Variants in TENM3 observed in about 807,000 individuals in gnomAD.
The protein encoded by TENM3 is teneurin transmembrane protein 3, also known as teneurin-3.
A neutral mutation model predicts 255.1 loss-of-function variants in TENM3; 63 were observed. The observed-to-expected ratio is 0.25, with a 90% CI of 0.20 to 0.30. The LOEUF (loss-of-function observed/expected upper bound fraction) is 0.30, where lower values mean the gene tolerates loss of function less well. Ranked by LOEUF, TENM3 falls within the 10% of genes least tolerant of loss-of-function variation. TENM3 has a pLI of 1.00. For synonymous variants in TENM3, 1,306 were observed against 1,322.3 expected (o/e 0.99, Z 0.27); for missense variants, 2,929 against 3,461.1 (o/e 0.85, Z 3.86).
chr4:181,997,233 C>T, the TENM3 span, among the ~76,000 whole-genome samples: 1 of 152,102 alleles, frequency 6.6e-6, no homozygotes, highest in Non-Finnish European at 1.5e-5. Context: ...TGGTGTCAAG[C>T]CCAGCAAAGA....
chr4:182,668,162 C>T (rs983752649), intron 6 of TENM3, among the ~76,000 whole-genome samples: 3 of 152,004 alleles, frequency 2.0e-5, no homozygotes, highest in South Asian at 2.1e-4. Context: ...TCGCTGAAGC[C>T]CTACCTTGGG....
At chr4:181,957,475 T>G in the TENM3 span, among the ~76,000 whole-genome samples, 1 of 152,236 alleles carries the variant, frequency 6.6e-6, no homozygotes, top group Non-Finnish European at 1.5e-5. Context: ...GGGTGAATTT[T>G]ATAAACCAAA....
intron 1 of TENM3, among the ~76,000 whole-genome samples, chr4:182,282,378 C>T (rs1231729422): frequency 1.3e-5 from 2 of 152,074 alleles, no homozygotes; most frequent in Non-Finnish European, 2.9e-5. Context: ...TTGTCATGTG[C>T]TGTGTTAAAG....
At chr4:182,067,734 C>T in the TENM3 span, among the ~76,000 whole-genome samples, 1 of 152,186 alleles carries the variant, frequency 6.6e-6, no homozygotes, top group Admixed American at 6.5e-5. Flanking sequence ...GAGGGACTCC[C>T]TTGCTCTGCT....
chr4:181,537,950 T>A, the TENM3 span, among the ~76,000 whole-genome samples: 1 of 152,202 alleles, frequency 6.6e-6, no homozygotes, highest in South Asian at 2.1e-4. Context: ...GAATGTGAAA[T>A]GTACCCTTCA....
chr4:181,508,476 A>G, the TENM3 span, among the ~76,000 whole-genome samples: 2 of 152,358 alleles, frequency 1.3e-5, no homozygotes, highest in East Asian at 3.9e-4. Context: ...CAGTATTTTA[A>G]GGTTGACCAT....
chr4:182,000,614 T>C, the TENM3 span, among the ~76,000 whole-genome samples: 2 of 152,186 alleles, frequency 1.3e-5, no homozygotes, highest in Non-Finnish European at 2.9e-5. Context: ...TACCAATCCA[T>C]GGTTGGTCAA....
At chr4:182,780,373 C>A (rs1335408935) in intron 24 of TENM3, among the ~76,000 whole-genome samples, 2 of 116,980 alleles carry the variant, frequency 1.7e-5, no homozygotes, top group African/African-American at 7.3e-5. Context: ...TGTAGATATG[C>A]GGCGTTATTT....
intron 1 of TENM3, among the ~76,000 whole-genome samples, chr4:182,201,429 T>C (rs544702031): frequency 6.6e-6 from 1 of 152,306 alleles, no homozygotes; most frequent in African/African-American, 2.4e-5. Flanking sequence ...TTTCGAGACA[T>C]AGGCCTGACT....
chr4:181,601,809 G>A, the TENM3 span, among the ~76,000 whole-genome samples: 2 of 152,110 alleles, frequency 1.3e-5, no homozygotes, highest in Admixed American at 1.3e-4. Context: ...CACATTCAGA[G>A]GTACTGGGGG....
chr4:181,796,003 A>G, the TENM3 span, among the ~76,000 whole-genome samples: 2 of 152,154 alleles, frequency 1.3e-5, no homozygotes, highest in Admixed American at 1.3e-4. Context: ...TATGGGAAGG[A>G]AAGGGGATGG....
At chr4:182,735,902 A>G (rs1761123707) in intron 16 of TENM3, among the ~76,000 whole-genome samples, 1 of 152,160 alleles carries the variant, frequency 6.6e-6, no homozygotes, top group Admixed American at 6.6e-5. Flanking sequence ...CTGACTGGTA[A>G]TCTATGGGGT....
the TENM3 span, among the ~76,000 whole-genome samples, chr4:182,117,537 G>T: frequency 1.3e-5 from 2 of 152,102 alleles, no homozygotes; most frequent in South Asian, 2.1e-4. Flanking sequence ...AGTTGTTCCA[G>T]CATTATTGAA....
At chr4:181,904,423 G>A in the TENM3 span, among the ~76,000 whole-genome samples, 1 of 152,016 alleles carries the variant, frequency 6.6e-6, no homozygotes, top group African/African-American at 2.4e-5. Flanking sequence ...ATTATCCACT[G>A]TATGCCTGTA....
chr4:181,534,175 G>A, the TENM3 span, among the ~76,000 whole-genome samples: 1 of 151,144 alleles, frequency 6.6e-6, no homozygotes, highest in Non-Finnish European at 1.5e-5. Flanking sequence ...TGGATCACAA[G>A]GTCAGGATCA....
At chr4:182,179,328 C>T (rs1348605986) in intron 1 of TENM3, among the ~76,000 whole-genome samples, 1 of 152,190 alleles carries the variant, frequency 6.6e-6, no homozygotes, top group African/African-American at 2.4e-5. Context: ...TCACTTGGAA[C>T]CTATGGCCAG....
intron 3 of TENM3, among the ~76,000 whole-genome samples, chr4:182,580,804 A>G (rs892665792): frequency 2.6e-5 from 4 of 152,174 alleles, no homozygotes; most frequent in African/African-American, 9.7e-5. Flanking sequence ...AATTTAAAGA[A>G]TGTTTCTGAG....
the TENM3 span, among the ~76,000 whole-genome samples, chr4:181,685,559 C>G: frequency 6.6e-6 from 1 of 152,172 alleles, no homozygotes; most frequent in Admixed American, 6.5e-5. Flanking sequence ...AGTAATACCT[C>G]AACAAGATGG....
At chr4:182,262,931 T>G (rs1347747610) in intron 1 of TENM3, among the ~76,000 whole-genome samples, 1 of 152,016 alleles carries the variant, frequency 6.6e-6, no homozygotes, top group Non-Finnish European at 1.5e-5. Flanking sequence ...GCCAGGATGG[T>G]CTCGATCTCC....
Sources: gnomAD v4.1 joint callset for allele counts (sites outside exome capture counted in the v4.1 genomes callset) on GRCh38, gnomAD v4.1.1 for gene constraint, MANE v1.5 for transcripts, NCBI Gene and HGNC (gene_info 2026-07-23, HGNC 2026-07-21) for gene names.